The following DIS3L2 variants were observed in gnomAD, a reference collection of about 807,000 sequenced individuals.
DIS3L2 encodes DIS3 like 3'-5' exoribonuclease 2, also known as DIS3-like exonuclease 2.
DIS3L2 carries 34 observed loss-of-function variants against 97.5 expected under a neutral mutation model. The ratio of observed to expected loss-of-function variants is 0.35; its 90% CI spans 0.27 to 0.46. DIS3L2 has a LOEUF of 0.46. Ranked by LOEUF, DIS3L2 falls within the 20% of genes least tolerant of loss-of-function variation. The pLI is 1.00. For synonymous variants in DIS3L2, 435 were observed against 445.2 expected (o/e 0.98, Z 0.29); for missense variants, 1,038 against 1,146.0 (o/e 0.91, Z 1.36).
At chr2:232,039,435 C>T (rs182474136) in intron 5 of DIS3L2, among the ~76,000 whole-genome samples, 10 of 152,214 alleles carry the variant, frequency 6.6e-5, no homozygotes, top group African/African-American at 1.4e-4. Context: ...TTCTGCTTGT[C>T]GTGCTCACTC....
chr2:232,208,517 G>A (rs2343161), intron 9 of DIS3L2, among the ~76,000 whole-genome samples: 1 of 152,230 alleles, frequency 6.6e-6, no homozygotes, highest in Middle Eastern at 3.4e-3. Context: ...CACCATGTTG[G>A]CCAGTCTGGT....
At chr2:232,103,565 G>A (rs1697264625) in intron 6 of DIS3L2, among the ~76,000 whole-genome samples, 1 of 152,112 alleles carries the variant, frequency 6.6e-6, no homozygotes, top group Non-Finnish European at 1.5e-5. Context: ...ATGGTATGTA[G>A]CATGCATTAA....
intron 13 of DIS3L2, among the ~76,000 whole-genome samples, chr2:232,277,237 G>T (rs1694164632): frequency 6.6e-6 from 1 of 152,190 alleles, no homozygotes; most frequent in African/African-American, 2.4e-5. Flanking sequence ...GAGCAAGGAA[G>T]GCAAAGGGAT....
chr2:232,167,689 C>T (rs530053832), intron 9 of DIS3L2, among the ~76,000 whole-genome samples: 2 of 152,140 alleles, frequency 1.3e-5, no homozygotes, highest in Non-Finnish European at 2.9e-5. Context: ...AAAGGTGCTG[C>T]GTTTTTAGAT....
At chr2:232,015,428 A>G in intron 2 of DIS3L2, 86 bp from the exon 3 acceptor site, 1 of 1,509,964 alleles carries the variant, frequency 6.6e-7, no homozygotes, top group Non-Finnish European at 8.9e-7. Context: ...CTCTTTAAAT[A>G]ATAATTGTAA....
At chr2:232,333,765 G>A (rs1559219027) in intron 16 of DIS3L2, 75 bp from the exon 17 acceptor site, 3 of 1,466,752 alleles carry the variant, frequency 2.0e-6, no homozygotes, top group East Asian at 4.9e-5. Context: ...CGGTGAGGCT[G>A]TGGGTGGTGC....
intron 12 of DIS3L2, among the ~76,000 whole-genome samples, chr2:232,249,626 C>T (rs538727181): frequency 1.3e-5 from 2 of 152,276 alleles, no homozygotes; most frequent in East Asian, 3.9e-4. Flanking sequence ...GAGGCTTATG[C>T]AGGAGACAGG....
intron 2 of DIS3L2, 144 bp from the exon 3 acceptor site, chr2:232,015,370 T>G: frequency 8.9e-7 from 1 of 1,127,712 alleles, no homozygotes; most frequent in Non-Finnish European, 1.2e-6. Flanking sequence ...TCTTTCCTTT[T>G]TGTTATTGTT....
intron 2 of DIS3L2, among the ~76,000 whole-genome samples, chr2:232,015,287 C>T (rs1694321006): frequency 6.6e-6 from 1 of 152,140 alleles, no homozygotes; most frequent in East Asian, 1.9e-4. Context: ...AGATTATGTT[C>T]CATGCGTGTT....
rs530947948 is a variant in DIS3L2 at position 232,276,915 on chromosome 2, A to T, written c.1659+13475A>T. On this transcript the variant is annotated intron_variant, in intron 13 of 20. Coordinates refer to ENST00000325385, the MANE Select transcript of DIS3L2 (RefSeq NM_152383.5). The surrounding 1 kb of genome is among the most constrained non-coding windows in gnomAD (Gnocchi z 4.4). ...CAGCAGGGATTAGCTGTGTGGCCAGATGGTGAGAAAGGGCCCACTTCTGTC... is the reference window on the plus strand; with the variant it reads ...CAGCAGGGATTAGCTGTGTGGCCAGTTGGTGAGAAAGGGCCCACTTCTGTC... 6.6e-6 allele frequency among the ~76,000 whole-genome samples: 1 copy of T among 152,352 alleles called. No homozygotes were observed. The highest frequency in any genetic ancestry group is 2.4e-5 in the African/African-American group (1 of 41,586).
intron 8 of DIS3L2, among the ~76,000 whole-genome samples, chr2:232,161,140 T>A (rs1224478729): frequency 6.6e-6 from 1 of 152,072 alleles, no homozygotes; most frequent in Non-Finnish European, 1.5e-5. Flanking sequence ...ATGGTCTCAA[T>A]CTCTTGACCT....
intron 9 of DIS3L2, among the ~76,000 whole-genome samples, chr2:232,181,853 T>C (rs1000122202): frequency 7.9e-5 from 12 of 152,144 alleles, no homozygotes; most frequent in Admixed American, 5.2e-4. Context: ...GGTTTCACCA[T>C]GTTGGCCAGG....
intron 10 of DIS3L2, among the ~76,000 whole-genome samples, chr2:232,231,466 G>A (rs980182241): frequency 6.6e-6 from 1 of 152,226 alleles, no homozygotes; most frequent in South Asian, 2.1e-4. Flanking sequence ...AGATGGGCTT[G>A]TTCTGGGCAC....
intron 14 of DIS3L2, among the ~76,000 whole-genome samples, chr2:232,310,254 G>C (rs1432568550): frequency 3.3e-5 from 5 of 152,224 alleles, no homozygotes; most frequent in Admixed American, 3.3e-4. Context: ...GGAGGGGCTT[G>C]GGGGAAGTTG....
intron 13 of DIS3L2, among the ~76,000 whole-genome samples, chr2:232,270,450 A>G (rs1225281677): frequency 6.6e-6 from 1 of 152,100 alleles, no homozygotes; most frequent in Admixed American, 6.5e-5. Flanking sequence ...AGTTTTTCCT[A>G]TGTCATTAAA....
chr2:232,323,672 G>A (rs1695498788), intron 14 of DIS3L2, among the ~76,000 whole-genome samples: 1 of 152,154 alleles, frequency 6.6e-6, no homozygotes, highest in African/African-American at 2.4e-5. Flanking sequence ...TCATGGGAAC[G>A]TCCAATGCAT....
At chr2:232,231,379 A>C (rs1348475598) in intron 10 of DIS3L2, among the ~76,000 whole-genome samples, 4 of 152,176 alleles carry the variant, frequency 2.6e-5, no homozygotes, top group Non-Finnish European at 4.4e-5. Context: ...TGTCTCAGTA[A>C]TTAAAGCTGG....
intron 13 of DIS3L2, among the ~76,000 whole-genome samples, chr2:232,295,649 A>G (rs1170440229): frequency 5.9e-5 from 9 of 152,144 alleles, no homozygotes; most frequent in Admixed American, 5.9e-4. Context: ...ATTCCATTTC[A>G]TGAATCTTGC....
chr2:231,993,620 C>T (rs935307565), intron 1 of DIS3L2, among the ~76,000 whole-genome samples: 11 of 152,180 alleles, frequency 7.2e-5, no homozygotes, highest in African/African-American at 2.4e-4. Flanking sequence ...AGATTTCACA[C>T]AGATCCTAAA....
Sources: gnomAD v4.1 joint callset for allele counts (sites outside exome capture counted in the v4.1 genomes callset) on GRCh38, gnomAD v4.1.1 for gene constraint, Gnocchi (gnomAD v3.1) non-coding constraint, MANE v1.5 for transcripts, NCBI Gene and HGNC (gene_info 2026-07-23, HGNC 2026-07-21) for gene names.